Variants in MPPED1 observed in about 807,000 individuals in gnomAD.
MPPED1 encodes metallophosphoesterase domain containing 1.
In MPPED1, 16 loss-of-function variants were observed where a neutral mutation model predicts 36.2. The observed-to-expected ratio is 0.44, with a 90% confidence interval of 0.30 to 0.67. MPPED1 has a LOEUF of 0.67. MPPED1 is among the 30% of genes least tolerant of loss of function. The pLI is 0.10. For synonymous variants in MPPED1, 199 were observed against 191.3 expected, an observed-to-expected ratio of 1.04 and a Z score of -0.33; for missense variants, 307 against 453.4, an observed-to-expected ratio of 0.68 and a Z score of 2.93.
chr22:43,495,252 A>AGGTGGTGATGGAGGTGATGGTGGTGAT (rs1569088356), intron 4 of MPPED1, among the ~76,000 whole-genome samples: 1 of 99,418 alleles, frequency 1.0e-5, no homozygotes, highest in Non-Finnish European at 2.1e-5. Flanking sequence ...GTGGTGATGG[A>AGGTGGTGATGGAGGTGATGGTGGTGAT]GGTGGTGATG....
chr22:43,477,881 G>A (rs183728967), intron 4 of MPPED1, among the ~76,000 whole-genome samples: 24 of 152,348 alleles, frequency 1.6e-4, no homozygotes, highest in African/African-American at 5.0e-4. Flanking sequence ...AAACGACACC[G>A]CCTGCCTTGT....
intron 3 of MPPED1, among the ~76,000 whole-genome samples, chr22:43,455,561 G>A (rs1292187488): frequency 6.6e-6 from 1 of 152,158 alleles, no homozygotes; most frequent in Non-Finnish European, 1.5e-5. Context: ...TTCCTTTTGT[G>A]GAGGGGGAGA....
At position 43,424,713 on chromosome 22, in the gene MPPED1, T is replaced by A. The variant is rs554807171; in HGVS notation, c.-78-195T>A. Among the ~76,000 whole-genome samples, 394 of 152,074 alleles carry A rather than the reference T, an allele frequency of 2.6e-3. 5 individuals carry two copies. Among genetic ancestry groups the A allele is most frequent in the African/African-American group, 9.0e-3 (373 of 41,492 alleles). On this transcript the variant is annotated intron_variant, in intron 1 of 6. Transcript: ENST00000443721. ...TTTTTTTCTTGTCCCCTCCCTCCCT[T>A]CCCTTTTCTTTTTACCAAAGTATAT...
At chr22:43,436,560 C>A (rs1476001) in intron 3 of MPPED1, among the ~76,000 whole-genome samples, 9 of 152,148 alleles carry the variant, frequency 5.9e-5, no homozygotes, top group African/African-American at 2.2e-4. Context: ...AAGTGCAGGC[C>A]GGGGGACAGG....
chr22:43,496,601 GTGGAGGTAGTGGTGGTGGAGA>G (rs1932379280), intron 4 of MPPED1, among the ~76,000 whole-genome samples: 1 of 26,596 alleles, frequency 3.8e-5, no homozygotes, highest in Non-Finnish European at 5.7e-5. Flanking sequence ...GATGGTGGTG[GTGGAGGTAGTGGTGGTGGAGA>G]TGGTGGTGGA....
intron 1 of MPPED1, chr22:43,416,947 G>A (rs964742895): frequency 9.1e-6 from 9 of 984,464 alleles, no homozygotes; most frequent in Middle Eastern, 5.2e-4. Context: ...CCGGCGAGCC[G>A]ACTGCATTCA....
intron 2 of MPPED1, 86 bp downstream of exon 2, chr22:43,425,295 G>A (rs778409183): frequency 1.7e-4 from 248 of 1,455,862 alleles, no homozygotes; most frequent in Non-Finnish European, 2.1e-4. Context: ...TGGTTCTGGG[G>A]GCACTGTAAC....
At chr22:43,465,326 T>C (rs1931127824) in intron 3 of MPPED1, among the ~76,000 whole-genome samples, 1 of 152,214 alleles carries the variant, frequency 6.6e-6, no homozygotes, top group South Asian at 2.1e-4. Flanking sequence ...CCTAACAGTG[T>C]TGGTTACCAT....
chr22:43,507,285 C>G lies in MPPED1; in HGVS notation c.*1669C>G, dbSNP rs2146933402. 1 of 152,308 alleles carries G rather than the reference C, an allele frequency of 6.6e-6. No homozygotes were observed. The highest frequency in any genetic ancestry group is 2.1e-4 in the South Asian group (1 of 4,818). The allele number at this position is 152,308 out of a possible 1,614,324, so 9.4% of individuals were successfully genotyped here. ...TATTTTTATTTTTAAGGGTCCTGTT[C>G]AAAACTGGTGTGAGCTCTGAGGAGT... On this transcript the variant is annotated 3_prime_UTR_variant, in exon 7 of 7. Coordinates refer to ENST00000443721, the MANE Select transcript of MPPED1 (RefSeq NM_001044370.2).
intron 1 of MPPED1, among the ~76,000 whole-genome samples, chr22:43,421,820 T>C (rs960951967): frequency 3.9e-5 from 6 of 152,264 alleles, no homozygotes; most frequent in Admixed American, 3.9e-4. Context: ...ATAACAATAA[T>C]ATTAGCTAAC....
chr22:43,447,883 A>ATATATATATATATATTTTT (rs1321289636), intron 3 of MPPED1, among the ~76,000 whole-genome samples: 19 of 67,692 alleles, frequency 2.8e-4, no homozygotes, highest in African/African-American at 1.1e-3. Context: ...ATATATATAT[A>ATATATATATATATATTTTT]TTTTTTTTTT....
intron 3 of MPPED1, among the ~76,000 whole-genome samples, chr22:43,446,642 TG>T (rs1930357526): frequency 6.6e-6 from 1 of 151,682 alleles, no homozygotes; most frequent in African/African-American, 2.4e-5. Flanking sequence ...TAGGGAAGCT[TG>T]GGGGGCTTCA....
chr22:43,472,274 T>C (rs570255808), intron 3 of MPPED1, among the ~76,000 whole-genome samples: 39 of 152,370 alleles, frequency 2.6e-4, no homozygotes, highest in Admixed American at 1.0e-3. Context: ...AAAATATGTC[T>C]GTGGATGGGT....
chr22:43,484,531 C>T (rs1013107059), intron 4 of MPPED1, among the ~76,000 whole-genome samples: 5 of 152,346 alleles, frequency 3.3e-5, no homozygotes, highest in African/African-American at 1.2e-4. Context: ...CCTTCTGTGA[C>T]GGATTCGTCC....
chr22:43,415,170 A>C (rs1929033493), intron 1 of MPPED1, among the ~76,000 whole-genome samples: 1 of 140,012 alleles, frequency 7.1e-6, no homozygotes, highest in South Asian at 2.6e-4. Context: ...TCCCTTCCAG[A>C]CTGCCACTGA....
intron 2 of MPPED1, among the ~76,000 whole-genome samples, chr22:43,426,539 G>GCATCC (rs1161736261): frequency 6.6e-6 from 1 of 152,212 alleles, no homozygotes; most frequent in East Asian, 1.9e-4. Flanking sequence ...GGTGCTTGTG[G>GCATCC]CATCCCAGCC....
In MPPED1 at chr22:43,445,880, A is replaced by T. The variant is rs1171862987; in HGVS notation, c.406+10665A>T. 8.3e-4 allele frequency among the ~76,000 whole-genome samples: 104 copies of T among 125,718 alleles called. 2 individuals carry two copies. Among genetic ancestry groups the T allele is most frequent in the African/African-American group, 1.5e-3 (40 of 27,440 alleles). The allele number at this position is 125,718 out of a possible 152,430, so 82.5% of individuals were successfully genotyped here. A position where few individuals can be genotyped will look rare whatever the true frequency, so the allele number is the denominator to read the frequency against. ...CCACTGTGCCTAGCCTGGTGTTTAC[A>T]TTTTCTTTTTTTTTTTTTTTGAGAC... On this transcript the variant is annotated intron_variant, in intron 3 of 6. Coordinates refer to ENST00000443721, the MANE Select transcript of MPPED1 (RefSeq NM_001044370.2).
chr22:43,496,082 G>A (rs1324468330), intron 4 of MPPED1, among the ~76,000 whole-genome samples: 1 of 92,912 alleles, frequency 1.1e-5, no homozygotes, highest in Non-Finnish European at 2.2e-5. Flanking sequence ...GGAGGTAGTG[G>A]TGGTGGAGGT....
At chr22:43,437,732 C>G (rs117282088) in intron 3 of MPPED1, among the ~76,000 whole-genome samples, 1,526 of 152,258 alleles carry the variant, frequency 0.01, 15 homozygotes, top group South Asian at 0.036. Flanking sequence ...TTTTGAGGCT[C>G]TGTTGGAATG....
Sources: gnomAD v4.1 joint callset for allele counts (sites outside exome capture counted in the v4.1 genomes callset) on GRCh38, gnomAD v4.1.1 for gene constraint, MANE v1.5 for transcripts, NCBI Gene and HGNC (gene_info 2026-07-23, HGNC 2026-07-21) for gene names.